SEPTIN3: variants seen among roughly 807,000 people sequenced by gnomAD.
SEPTIN3 encodes the protein septin 3, also known as neuronal-specific septin-3.
A neutral mutation model predicts 45.1 loss-of-function variants in SEPTIN3; 15 were observed. The observed-to-expected ratio is 0.33, with a 90% CI of 0.22 to 0.51. The LOEUF is 0.51. Among genes scored for constraint, SEPTIN3 ranks in the 20% least tolerant of loss-of-function variants. The pLI is 0.97. For missense variants in SEPTIN3, 289 were observed against 457.2 expected (o/e 0.63, Z 3.35); for synonymous variants, 148 against 164.8 (o/e 0.90, Z 0.78).
At position 41,971,503 on chromosome 22, in the gene SEPTIN3, A is replaced by G. The variant is rs769552667; in HGVS notation, c.11A>G (p.Asn4Ser). The G allele has an allele frequency of 1.0e-5, 4 of 399,100 alleles. No individual in the cohort carries two copies. Among genetic ancestry groups the G allele is most frequent in the Non-Finnish European group, 1.3e-5 (3 of 226,194 alleles). The allele number at this position is 399,100 out of a possible 1,614,324, so 24.7% of individuals were successfully genotyped here. The change falls in exon 2 of 12, where the codon AAC becomes AGC. Residue 4 changes from asparagine to serine, a missense_variant. Around this residue, in one of 3 missense-constraint regions of SEPTIN3, gnomAD observed 200 missense variants for 315.1 expected, o/e 0.63. Transcript: ENST00000644076. MDH[N>S]FAPAPPEMQS... is the part of the protein sequence containing the mutation. ...AGACAAACGACCTGGATGGACCACA[A>G]CTTTGCTCCTGCTCCTCCAGAGATG... is the stretch of plus-strand genomic sequence containing the variant.
At chr22:41,992,637 T>A (rs750201149) in intron 8 of SEPTIN3, 27 bp from the exon 9 acceptor site, 24 of 1,499,192 alleles carry the variant, frequency 1.6e-5, no homozygotes, top group Non-Finnish European at 1.9e-5. Context: ...TGCACATGTG[T>A]CTGGTTTGTG....
intron 2 of SEPTIN3, among the ~76,000 whole-genome samples, chr22:41,975,558 A>C (rs1218288812): frequency 2.0e-5 from 3 of 151,866 alleles, no homozygotes; most frequent in Admixed American, 1.3e-4. Flanking sequence ...ATCTACCCGG[A>C]TGTCTCCCGG....
chr22:41,995,541 T>C (rs1014161398), intron 11 of SEPTIN3: 1 of 985,104 alleles, frequency 1.0e-6, no homozygotes, highest in Non-Finnish European at 1.2e-6. Context: ...TTTCTCTCCC[T>C]CTCCTGCGTG....
intron 7 of SEPTIN3, among the ~76,000 whole-genome samples, chr22:41,990,745 CAAAAAAA>C (rs71184855): frequency 0.02 from 1,936 of 96,524 alleles, 54 homozygotes; most frequent in African/African-American, 0.075. Flanking sequence ...CACTCTATCT[CAAAAAAA>C]AAAAAAAAAA....
intron 3 of SEPTIN3, among the ~76,000 whole-genome samples, chr22:41,984,338 A>G (rs760451313): frequency 6.6e-6 from 1 of 152,120 alleles, no homozygotes; most frequent in Non-Finnish European, 1.5e-5. Flanking sequence ...CCAGCCCAGT[A>G]TTTCTTAGAT....
At chr22:41,981,447 G>T in intron 2 of SEPTIN3, 198 bp from the exon 3 acceptor site, 1 of 553,808 alleles carries the variant, frequency 1.8e-6, no homozygotes. Flanking sequence ...CCTGCTCTGT[G>T]TTCTTAGTTG....
chr22:41,977,418 T>C (rs920560938), intron 2 of SEPTIN3, among the ~76,000 whole-genome samples: 4 of 152,008 alleles, frequency 2.6e-5, no homozygotes, highest in Non-Finnish European at 5.9e-5. Context: ...TGTGCACTGA[T>C]ACATACGTCC....
intron 9 of SEPTIN3, among the ~76,000 whole-genome samples, chr22:41,993,646 A>T (rs767841612): frequency 1.3e-5 from 2 of 151,872 alleles, no homozygotes; most frequent in Non-Finnish European, 2.9e-5. Context: ...GTGAACCACC[A>T]TGCCTGGTGA....
In SEPTIN3 at chr22:41,990,377, C is replaced by T. The variant is rs934206384; in HGVS notation, c.2163+693C>T. On this transcript the variant is annotated intron_variant, in intron 7 of 11. Coordinates refer to ENST00000644076, the MANE Select transcript of SEPTIN3 (RefSeq NM_001363845.2). ...CCCTCACTGGCATGTTCTATAAGCT[C>T]AGCCCTGTGCTGGATGTACAGGGTT... Among the ~76,000 whole-genome samples the T allele has an allele frequency of 2.6e-5, 4 of 151,800 alleles. No homozygotes were observed. The East Asian group carries it at 7.8e-4, about 30-fold the overall frequency.
rs1450352588 is a variant in SEPTIN3 at position 41,972,267 on chromosome 22, A to G, written c.775A>G (p.Met259Val). The stretch of plus-strand genomic sequence containing the variant: ...CAACACGACTGTGAATTTGACTGCT[A>G]TGGACACAAGGACAGACGCAGCCAG... ...RANTTVNLTA[M>V]DTRTDAARHL... Residue 259 changes from methionine to valine, a missense_variant, in exon 2 of 12, where the codon ATG (methionine) becomes GTG (valine). By Grantham distance (21) the Met-to-Val change is conservative. This residue lies in a region of SEPTIN3 where 200 missense variants were observed against 315.1 expected (regional missense o/e 0.63). Coordinates refer to ENST00000644076, the MANE Select transcript of SEPTIN3 (RefSeq NM_001363845.2). The G allele has an allele frequency of 2.5e-6, 1 of 399,006 alleles. No homozygotes were observed. Among genetic ancestry groups the G allele is most frequent in the Non-Finnish European group, 4.4e-6 (1 of 226,104 alleles). 24.7% of individuals were successfully genotyped at this position (399,006 alleles called of 1,614,324 possible).
At chr22:41,975,874 G>C (rs1029272914) in intron 2 of SEPTIN3, among the ~76,000 whole-genome samples, 5 of 152,046 alleles carry the variant, frequency 3.3e-5, no homozygotes, top group African/African-American at 1.2e-4. Flanking sequence ...ACATTGAATG[G>C]CAGCACTTTC....
chr22:41,970,854 G>C (rs2077951398), intron 1 of SEPTIN3, among the ~76,000 whole-genome samples: 1 of 152,166 alleles, frequency 6.6e-6, no homozygotes, highest in African/African-American at 2.4e-5. Context: ...AACACTCACT[G>C]CCTCTCCATT....
At chr22:41,989,506 G>T (rs1393453542) in intron 6 of SEPTIN3, 61 bp from the exon 7 acceptor site, 9 of 1,060,216 alleles carry the variant, frequency 8.5e-6, no homozygotes, top group South Asian at 2.5e-5. Context: ...TGGAGTGGTG[G>T]TGGTGGCTGA....
Position 41,991,518 on chromosome 22 carries a change from CCT to C in SEPTIN3, c.2164-52_2164-51del, listed in dbSNP as rs540359386. On this transcript the variant is annotated intron_variant, in intron 7 of 11. Transcript: ENST00000644076. Reference sequence around the variant, plus strand: ...GCTCACGCACACAGGTGCACACACCCCTCTTTTCCATTACCCTGACACTTGAC... The same window carrying C: ...GCTCACGCACACAGGTGCACACACCCCTTTTCCATTACCCTGACACTTGAC... 1,084 of 1,276,070 alleles carry C rather than the reference CCT, an allele frequency of 8.5e-4. 9 individuals carry two copies. Among genetic ancestry groups the C allele is most frequent in the East Asian group, 8.3e-3 (360 of 43,292 alleles). The allele number at this position is 1,276,070 out of a possible 1,614,324, so 79.0% of individuals were successfully genotyped here.
intron 11 of SEPTIN3, chr22:41,996,587 G>A: frequency 1.8e-6 from 2 of 1,116,376 alleles, no homozygotes; most frequent in Non-Finnish European, 2.2e-6. Context: ...TGCCAACCCA[G>A]CCCTCATCCT....
Position 41,998,175 on chromosome 22 carries a change from C to G in SEPTIN3, c.*1208C>G, listed in dbSNP as rs771956215. Reference sequence around the variant, plus strand: ...ACTCAAACTGGTCCTGTAATTGTTGCTAGACTTTATGTGTTGTACAACTAA... The same window carrying G: ...ACTCAAACTGGTCCTGTAATTGTTGGTAGACTTTATGTGTTGTACAACTAA... On this transcript the variant is annotated 3_prime_UTR_variant, in exon 12 of 12. Coordinates refer to ENST00000644076, the MANE Select transcript of SEPTIN3 (RefSeq NM_001363845.2). 2 of 152,678 alleles carry G rather than the reference C, an allele frequency of 1.3e-5. No individual in the cohort carries two copies. Among genetic ancestry groups the G allele is most frequent in the African/African-American group, 4.8e-5 (2 of 41,458 alleles). The allele number at this position is 152,678 out of a possible 1,614,324, so 9.5% of individuals were successfully genotyped here.
chr22:41,987,518 C>T (rs2078229367), intron 5 of SEPTIN3, 104 bp from the exon 6 acceptor site: 1 of 1,406,226 alleles, frequency 7.1e-7, no homozygotes, highest in East Asian at 2.3e-5. Flanking sequence ...GGCCCACCAA[C>T]CAGGGAATGA....
At chr22:41,991,461 T>TTGGCTGG in intron 7 of SEPTIN3, 112 bp from the exon 8 acceptor site, 4 of 761,414 alleles carry the variant, frequency 5.3e-6, no homozygotes, top group Non-Finnish European at 9.6e-6. Flanking sequence ...GACTGTGGAT[T>TTGGCTGG]ATCCAAGGCT....
chr22:41,988,452 C>A (rs932737281), intron 6 of SEPTIN3, among the ~76,000 whole-genome samples: 1 of 152,080 alleles, frequency 6.6e-6, no homozygotes, highest in Non-Finnish European at 1.5e-5. Flanking sequence ...CATTACTAAG[C>A]CCAGCTGCTG....
Sources: allele counts gnomAD v4.1 joint callset (sites outside exome capture counted in the v4.1 genomes callset), GRCh38; gene constraint gnomAD v4.1.1; regional missense constraint gnomAD v4.1.1; transcripts MANE v1.5; gene names NCBI Gene and HGNC (gene_info 2026-07-23, HGNC 2026-07-21).